CAMK1D: variants seen among roughly 807,000 people sequenced by gnomAD.
CAMK1D encodes calcium/calmodulin dependent protein kinase ID.
A neutral mutation model predicts 47.7 loss-of-function variants in CAMK1D; 9 were observed. The observed-to-expected ratio is 0.19, with a 90% CI of 0.11 to 0.33. The LOEUF is 0.33. Among genes scored for constraint, CAMK1D ranks in the 10% least tolerant of loss-of-function variants. The pLI is 1.00. For synonymous variants in CAMK1D, 184 were observed against 184.9 expected (o/e 0.99, Z 0.04); for missense variants, 291 against 488.7 (o/e 0.60, Z 3.81).
At chr10:12,756,652 C>G (rs1836237541) in intron 3 of CAMK1D, among the ~76,000 whole-genome samples, 1 of 152,200 alleles carries the variant, frequency 6.6e-6, no homozygotes, top group South Asian at 2.1e-4. Flanking sequence ...CACAGCTGGG[C>G]ACGGTGGCTC....
Position 12,828,918 on chromosome 10 carries a change from G to A in CAMK1D, c.*31G>A, listed in dbSNP as rs1196023247. The A allele has an allele frequency of 6.6e-7, 1 of 1,519,108 alleles. No homozygotes were observed. Among genetic ancestry groups the A allele is most frequent in the South Asian group, 1.2e-5 (1 of 83,764 alleles). 94.1% of individuals were successfully genotyped at this position (1,519,108 alleles called of 1,614,324 possible). The stretch of plus-strand genomic sequence containing the variant: ...CCTGGAGGTGGGGCCCGGGGTCGGG[G>A]CTGGGGAAGGGGAGCCCCAGGGTCG... On this transcript the variant is annotated 3_prime_UTR_variant, in exon 11 of 11. Coordinates refer to ENST00000619168, the MANE Select transcript of CAMK1D (RefSeq NM_153498.4).
chr10:12,722,685 C>T (rs575847814), intron 3 of CAMK1D, among the ~76,000 whole-genome samples: 5 of 152,134 alleles, frequency 3.3e-5, no homozygotes, highest in African/African-American at 7.2e-5. Context: ...AGGATCTGGA[C>T]GAGGTCAGTT....
intron 1 of CAMK1D, among the ~76,000 whole-genome samples, chr10:12,394,291 G>A (rs1389832926): frequency 6.6e-6 from 1 of 152,148 alleles, no homozygotes; most frequent in Non-Finnish European, 1.5e-5. Context: ...ATATCCAGGT[G>A]TTCACCAACC....
intron 5 of CAMK1D, among the ~76,000 whole-genome samples, chr10:12,770,575 C>T (rs566362822): frequency 2.6e-5 from 4 of 152,320 alleles, no homozygotes; most frequent in South Asian, 2.1e-4. Context: ...GACACAGACA[C>T]GGTGCCTGCC....
chr10:12,624,200 G>C (rs1226991699), intron 2 of CAMK1D, among the ~76,000 whole-genome samples: 3 of 152,120 alleles, frequency 2.0e-5, no homozygotes, highest in African/African-American at 7.2e-5. Flanking sequence ...ATCCCCATAT[G>C]AGAGTGTGTG....
chr10:12,695,656 G>A (rs1363930183), intron 3 of CAMK1D, among the ~76,000 whole-genome samples: 2 of 152,124 alleles, frequency 1.3e-5, no homozygotes, highest in Non-Finnish European at 2.9e-5. Context: ...AGGGTCCTTT[G>A]GGCTGTCTCC....
chr10:12,369,690 G>A (rs1207208714), intron 1 of CAMK1D, among the ~76,000 whole-genome samples: 4 of 152,020 alleles, frequency 2.6e-5, no homozygotes, highest in African/African-American at 7.2e-5. Flanking sequence ...CAGGCGTGGC[G>A]GCTCACGCCT....
intron 1 of CAMK1D, among the ~76,000 whole-genome samples, chr10:12,419,712 C>G (rs1237382585): frequency 1.3e-5 from 2 of 151,634 alleles, no homozygotes; most frequent in Non-Finnish European, 2.9e-5. Context: ...GCAGAAAATA[C>G]TGAGATTAGA....
At chr10:12,504,757 T>C (rs1027013794) in intron 1 of CAMK1D, among the ~76,000 whole-genome samples, 1 of 152,120 alleles carries the variant, frequency 6.6e-6, no homozygotes, top group Non-Finnish European at 1.5e-5. Flanking sequence ...TTTCTCTTAC[T>C]ACCTCCCGGG....
At chr10:12,362,275 C>T (rs1208718579) in intron 1 of CAMK1D, among the ~76,000 whole-genome samples, 1 of 152,056 alleles carries the variant, frequency 6.6e-6, no homozygotes, top group East Asian at 1.9e-4. Flanking sequence ...CCTTCTGATA[C>T]ACACCGTTCC....
intron 3 of CAMK1D, among the ~76,000 whole-genome samples, chr10:12,694,567 A>G (rs1244128610): frequency 1.6e-5 from 2 of 121,308 alleles, no homozygotes; most frequent in Admixed American, 1.1e-4. Flanking sequence ...TAAAATATAT[A>G]ATATATAAAA....
At chr10:12,620,186 C>CAAAAAAAAAAAAAAAAAAAA in intron 2 of CAMK1D, among the ~76,000 whole-genome samples, 87 of 86,582 alleles carry the variant, frequency 1.0e-3, no homozygotes, top group East Asian at 2.7e-3. Flanking sequence ...GACTCCGTCT[C>CAAAAAAAAAAAAAAAAAAAA]AAAAAAAAAA....
chr10:12,467,531 C>T (rs1034340953), intron 1 of CAMK1D, among the ~76,000 whole-genome samples: 3 of 152,112 alleles, frequency 2.0e-5, no homozygotes, highest in African/African-American at 7.2e-5. Flanking sequence ...CTAAAGAGAG[C>T]AGTTACTTAA....
intron 3 of CAMK1D, among the ~76,000 whole-genome samples, chr10:12,700,265 G>T (rs540683456): frequency 6.6e-6 from 1 of 152,148 alleles, no homozygotes; most frequent in African/African-American, 2.4e-5. Flanking sequence ...TCCCAGTTGC[G>T]CAGGCCTGGG....
At chr10:12,393,372 A>G (rs965752011) in intron 1 of CAMK1D, among the ~76,000 whole-genome samples, 11 of 152,040 alleles carry the variant, frequency 7.2e-5, no homozygotes, top group Admixed American at 5.9e-4. Context: ...TTTAGCTCCT[A>G]CTGAATGCAA....
intron 3 of CAMK1D, among the ~76,000 whole-genome samples, chr10:12,688,588 A>C (rs970316966): frequency 6.6e-6 from 1 of 152,184 alleles, no homozygotes; most frequent in Non-Finnish European, 1.5e-5. Flanking sequence ...CGTTGTGCAG[A>C]TCCTTCAAGG....
intron 2 of CAMK1D, among the ~76,000 whole-genome samples, chr10:12,554,318 G>A (rs1231826823): frequency 7.7e-6 from 1 of 129,614 alleles, no homozygotes; most frequent in East Asian, 2.3e-4. Context: ...ATCATGCCCA[G>A]CTAATTTTTG....
chr10:12,656,431 G>A (rs1232208959), intron 2 of CAMK1D, among the ~76,000 whole-genome samples: 1 of 152,148 alleles, frequency 6.6e-6, no homozygotes, highest in African/African-American at 2.4e-5. Flanking sequence ...GGCAGAGGTT[G>A]CAGTGAACCG....
intron 3 of CAMK1D, among the ~76,000 whole-genome samples, chr10:12,717,478 A>G (rs993265190): frequency 6.6e-6 from 1 of 152,162 alleles, no homozygotes; most frequent in Non-Finnish European, 1.5e-5. Flanking sequence ...CACTATCTGA[A>G]GTTTGGAAGT....
Sources: allele counts gnomAD v4.1 joint callset (sites outside exome capture counted in the v4.1 genomes callset), GRCh38; gene constraint gnomAD v4.1.1; transcripts MANE v1.5; gene names NCBI Gene and HGNC (gene_info 2026-07-23, HGNC 2026-07-21).